Variants in SLC10A7 observed in about 807,000 individuals in gnomAD.
SLC10A7 encodes the protein sodium/bile acid cotransporter 7.
In SLC10A7, 29 loss-of-function variants were observed where a neutral mutation model predicts 43.2. The observed-to-expected ratio is 0.67, with a 90% CI of 0.50 to 0.92. SLC10A7 has a LOEUF of 0.92. Among genes scored for constraint, SLC10A7 ranks in the 40% least tolerant of loss-of-function variants. The pLI is 0.00. For synonymous variants in SLC10A7, 152 were observed against 144.8 expected, an observed-to-expected ratio of 1.05 and a Z score of -0.35; for missense variants, 295 against 403.2, an observed-to-expected ratio of 0.73 and a Z score of 2.30.
At chr4:146,259,690 A>G (rs1442044259) in intron 10 of SLC10A7, among the ~76,000 whole-genome samples, 1 of 152,202 alleles carries the variant, frequency 6.6e-6, no homozygotes, top group Non-Finnish European at 1.5e-5. Context: ...ATTCTATTAT[A>G]CCAAGAGCTG....
intron 5 of SLC10A7, among the ~76,000 whole-genome samples, chr4:146,384,213 G>T (rs1016316982): frequency 2.0e-5 from 3 of 151,958 alleles, no homozygotes; most frequent in African/African-American, 7.3e-5. Flanking sequence ...CTATTTGGTG[G>T]ATTAATACAG....
At chr4:146,335,419 G>A (rs752880677) in intron 5 of SLC10A7, among the ~76,000 whole-genome samples, 3 of 152,016 alleles carry the variant, frequency 2.0e-5, no homozygotes, top group Non-Finnish European at 2.9e-5. Flanking sequence ...TGCAGAAGCA[G>A]TGGACTGCAT....
intron 6 of SLC10A7, among the ~76,000 whole-genome samples, chr4:146,317,567 C>T (rs1732411259): frequency 6.6e-6 from 1 of 151,932 alleles, no homozygotes; most frequent in Non-Finnish European, 1.5e-5. Context: ...TTGGGTATGT[C>T]TGGAAGATAT....
At chr4:146,307,564 G>A (rs1320411297) in intron 6 of SLC10A7, among the ~76,000 whole-genome samples, 2 of 151,998 alleles carry the variant, frequency 1.3e-5, no homozygotes, top group African/African-American at 4.8e-5. Flanking sequence ...ATATTCCTGG[G>A]GCAAGGACTG....
chr4:146,295,938 C>G (rs1232960292), intron 7 of SLC10A7, among the ~76,000 whole-genome samples: 7 of 152,070 alleles, frequency 4.6e-5, no homozygotes, highest in African/African-American at 1.7e-4. Context: ...CCTCTCCTAC[C>G]AGCATTGCCC....
At chr4:146,441,545 TTCA>T (rs1730601800) in intron 5 of SLC10A7, 1 of 542,006 alleles carries the variant, frequency 1.8e-6, no homozygotes, top group Admixed American at 6.4e-5. Context: ...TTCCAGAAAG[TTCA>T]TGTTTTACAG....
intron 4 of SLC10A7, among the ~76,000 whole-genome samples, chr4:146,457,211 T>TA (rs1454978632): frequency 1.3e-5 from 2 of 151,870 alleles, no homozygotes; most frequent in South Asian, 2.1e-4. Context: ...ATCCAAACAT[T>TA]AAAAAAAGTA....
chr4:146,305,921 C>G lies in SLC10A7; in HGVS notation c.555+5G>C, dbSNP rs529199502. 193 of 1,600,784 alleles carry G rather than the reference C, an allele frequency of 1.2e-4. 1 individual carries two copies. In the South Asian group the frequency reaches 2.0e-3, roughly 17 times the overall value. On this transcript the variant is annotated splice_donor_5th_base_variant and intron_variant, in intron 7 of 11. Coordinates refer to ENST00000335472, the MANE Select transcript of SLC10A7 (RefSeq NM_001029998.6). ...GAAAAGATCAGATAGAATTGGAGGC[C>G]TTACCTGTCCAATGATGAGAGGAAC...
intron 5 of SLC10A7, 35 bp downstream of exon 5, chr4:146,442,748 A>C (rs751709573): frequency 6.3e-7 from 1 of 1,599,114 alleles, no homozygotes; most frequent in Non-Finnish European, 8.5e-7. Context: ...TCACAGCAAA[A>C]GTTGTAATAG....
At chr4:146,458,796 T>C (rs1370222217) in intron 4 of SLC10A7, among the ~76,000 whole-genome samples, 3 of 151,918 alleles carry the variant, frequency 2.0e-5, no homozygotes, top group African/African-American at 7.2e-5. Context: ...CTGTATTTAC[T>C]ATTTTACTCA....
At chr4:146,411,978 C>A (rs1224659317) in intron 5 of SLC10A7, among the ~76,000 whole-genome samples, 2 of 152,178 alleles carry the variant, frequency 1.3e-5, no homozygotes, top group Non-Finnish European at 2.9e-5. Flanking sequence ...AATAATTTAA[C>A]TACCTGAAAC....
At chr4:146,347,658 T>C (rs1170428886) in intron 5 of SLC10A7, among the ~76,000 whole-genome samples, 1 of 152,196 alleles carries the variant, frequency 6.6e-6, no homozygotes, top group Non-Finnish European at 1.5e-5. Flanking sequence ...GTTATTTCTA[T>C]GCAAAAATGG....
chr4:146,256,640 A>T, intron 11 of SLC10A7, 120 bp from the exon 12 acceptor site: 1 of 1,137,816 alleles, frequency 8.8e-7, no homozygotes, highest in Non-Finnish European at 1.3e-6. Flanking sequence ...AGATGGCATC[A>T]TATAACCAAT....
chr4:146,446,790 ATCTATTT>A (rs1731137292), intron 4 of SLC10A7, among the ~76,000 whole-genome samples: 2 of 150,998 alleles, frequency 1.3e-5, no homozygotes, highest in African/African-American at 4.9e-5. Context: ...CTATCTATCT[ATCTATTT>A]ATCTATCTAT....
At position 146,257,977 on chromosome 4, in the gene SLC10A7, C is replaced by CT. The variant is rs551323709; in HGVS notation, c.993+714dup. ...ACACATCTCCTGATAACAGTCACTA[C>CT]TTTGTGAATAGACAAAAATAAGTCC... On this transcript the variant is annotated intron_variant, in intron 11 of 11. Transcript: ENST00000335472. Among the ~76,000 whole-genome samples the CT allele has an allele frequency of 4.3e-3, 649 of 152,346 alleles. 2 individuals are homozygous for CT. The highest frequency in any genetic ancestry group is 0.014 in the African/African-American group (597 of 41,574).
chr4:146,454,011 A>T (rs570830373), intron 4 of SLC10A7, among the ~76,000 whole-genome samples: 210 of 152,048 alleles, frequency 1.4e-3, no homozygotes, highest in African/African-American at 4.6e-3. Flanking sequence ...TGTACTTAAA[A>T]TAGTGATGAT....
intron 10 of SLC10A7, among the ~76,000 whole-genome samples, chr4:146,272,871 AG>A (rs1233325923): frequency 6.6e-6 from 1 of 152,178 alleles, no homozygotes; most frequent in East Asian, 1.9e-4. Context: ...ACAGATGAAC[AG>A]GGATTTCCAG....
At chr4:146,357,948 G>A (rs111635640) in intron 5 of SLC10A7, among the ~76,000 whole-genome samples, 71 of 152,144 alleles carry the variant, frequency 4.7e-4, no homozygotes, top group African/African-American at 1.6e-3. Context: ...TCCCATTAGA[G>A]AGGAGATCAA....
chr4:146,273,064 A>AT (rs1359155530), intron 10 of SLC10A7, among the ~76,000 whole-genome samples: 6 of 152,104 alleles, frequency 3.9e-5, no homozygotes, highest in Non-Finnish European at 8.8e-5. Context: ...ATTATAAGGT[A>AT]TTTTTTAGTT....
Sources: gnomAD v4.1 joint callset for allele counts (sites outside exome capture counted in the v4.1 genomes callset) on GRCh38, gnomAD v4.1.1 for gene constraint, MANE v1.5 for transcripts, NCBI Gene and HGNC (gene_info 2026-07-23, HGNC 2026-07-21) for gene names.